HCN1: variants seen among roughly 807,000 people sequenced by gnomAD.
HCN1 encodes the protein potassium/sodium hyperpolarization-activated cyclic nucleotide-gated channel 1.
A neutral mutation model predicts 78.9 loss-of-function variants in HCN1; 13 were observed. The observed-to-expected ratio is 0.16, with a 90% CI of 0.11 to 0.26. HCN1 has a LOEUF of 0.26. Among genes scored for constraint, HCN1 ranks in the 10% least tolerant of loss-of-function variants. The probability of loss-of-function intolerance (pLI) is 1.00; values close to 1 mark genes in which losing one functional copy is unlikely to be tolerated. For synonymous variants in HCN1, 552 were observed against 455.5 expected (o/e 1.21, Z -2.70); for missense variants, 810 against 1,154.3 (o/e 0.70, Z 4.32).
At chr5:45,461,653 A>G (rs1294628102) in intron 3 of HCN1, among the ~76,000 whole-genome samples, 193 bp downstream of exon 3, 3 of 152,184 alleles carry the variant, frequency 2.0e-5, no homozygotes, top group Non-Finnish European at 4.4e-5. Context: ...ATACTCAGGA[A>G]CATAGTCAAT....
intron 6 of HCN1, among the ~76,000 whole-genome samples, chr5:45,271,027 A>G (rs1020288236): frequency 1.3e-5 from 2 of 152,112 alleles, no homozygotes; most frequent in Non-Finnish European, 2.9e-5. Context: ...GGCTTGAATC[A>G]GTTAAATATT....
chr5:45,402,356 G>A (rs1436622578), intron 3 of HCN1, among the ~76,000 whole-genome samples: 12 of 152,136 alleles, frequency 7.9e-5, no homozygotes, highest in Admixed American at 7.9e-4. Flanking sequence ...TAGGAGACAT[G>A]GCAACATACA....
chr5:45,372,559 C>T (rs1488949333), intron 4 of HCN1, among the ~76,000 whole-genome samples: 1 of 117,082 alleles, frequency 8.5e-6, no homozygotes, highest in Non-Finnish European at 1.7e-5. Flanking sequence ...ATATATAAAA[C>T]ATTTACATAT....
intron 5 of HCN1, among the ~76,000 whole-genome samples, chr5:45,341,514 C>T (rs1746580166): frequency 6.6e-6 from 1 of 152,126 alleles, no homozygotes; most frequent in African/African-American, 2.4e-5. Flanking sequence ...GGAGATAAAA[C>T]ATGGCTTTGC....
chr5:45,346,240 T>C (rs942821075), intron 5 of HCN1, among the ~76,000 whole-genome samples: 1 of 152,138 alleles, frequency 6.6e-6, no homozygotes, highest in Non-Finnish European at 1.5e-5. Flanking sequence ...GACAGGTCAT[T>C]GACAACTTTC....
chr5:45,442,103 T>C (rs1434326540), intron 3 of HCN1, among the ~76,000 whole-genome samples: 1 of 152,184 alleles, frequency 6.6e-6, no homozygotes. Context: ...TAATTTATCA[T>C]ATTATTATTG....
chr5:45,376,366 A>C (rs574587436), intron 4 of HCN1, among the ~76,000 whole-genome samples: 74 of 23,480 alleles, frequency 3.2e-3, no homozygotes, highest in Non-Finnish European at 4.1e-4. Context: ...AGAGAGAGAG[A>C]GAGAGAGAAA....
rs1465130703 is a variant in HCN1, at chr5:45,364,039, A to G, written c.1231-10793T>C. 3.9e-5 allele frequency among the ~76,000 whole-genome samples: 6 copies of G among 152,028 alleles called. No homozygotes were observed. The Admixed American group carries it at 3.9e-4, about 10-fold the overall frequency. Reference sequence around the variant, plus strand: ...TAGGCTCTGCTACTAGGAGATTCCAAACTAAGACAGTATTACAAACTGAGC... The same window carrying G: ...TAGGCTCTGCTACTAGGAGATTCCAGACTAAGACAGTATTACAAACTGAGC... On this transcript the variant is annotated intron_variant, in intron 4 of 7. Coordinates refer to ENST00000303230, the MANE Select transcript of HCN1 (RefSeq NM_021072.4).
intron 2 of HCN1, among the ~76,000 whole-genome samples, chr5:45,494,385 G>A (rs1410688518): frequency 1.3e-5 from 2 of 152,152 alleles, no homozygotes. Flanking sequence ...TTTTTTGGCT[G>A]CATAAATGTC....
chr5:45,297,633 A>C (rs543418698), intron 6 of HCN1, among the ~76,000 whole-genome samples: 59 of 152,232 alleles, frequency 3.9e-4, no homozygotes, highest in Middle Eastern at 6.8e-3. Flanking sequence ...AATCAGCCTC[A>C]TACAAAAATC....
intron 3 of HCN1, among the ~76,000 whole-genome samples, chr5:45,415,709 A>G (rs147081321): frequency 3.6e-4 from 55 of 152,100 alleles, no homozygotes; most frequent in African/African-American, 1.3e-3. Context: ...CTTCTTGTCT[A>G]AATGGCCACA....
intron 2 of HCN1, among the ~76,000 whole-genome samples, chr5:45,505,180 C>T (rs1237233742): frequency 6.6e-6 from 1 of 152,054 alleles, no homozygotes; most frequent in African/African-American, 2.4e-5. Context: ...CTTGCCCATG[C>T]CTATGTCCTG....
At position 45,298,813 on chromosome 5, in the gene HCN1, G is replaced by C. The variant is rs1221630842; in HGVS notation, c.1618+4786C>G. Among the ~76,000 whole-genome samples, 3 of 152,028 alleles carry C rather than the reference G, an allele frequency of 2.0e-5. No individual in the cohort carries two copies. The East Asian group carries it at 5.8e-4, about 30-fold the overall frequency. ...CCAAAGAGTACAGTATGGAATGGGA[G>C]GGAAAGAAAAATTAACTTTACAATG... On this transcript the variant is annotated intron_variant, in intron 6 of 7. Transcript: ENST00000303230.
At chr5:45,362,873 C>A (rs1380764144) in intron 4 of HCN1, among the ~76,000 whole-genome samples, 1 of 151,812 alleles carries the variant, frequency 6.6e-6, no homozygotes, top group Non-Finnish European at 1.5e-5. Context: ...TACTTACCAT[C>A]CTATTTTTCT....
intron 2 of HCN1, among the ~76,000 whole-genome samples, chr5:45,570,881 T>G (rs1281445696): frequency 6.6e-6 from 1 of 152,188 alleles, no homozygotes; most frequent in African/African-American, 2.4e-5. Flanking sequence ...AATTCTTTTG[T>G]GACAATTTGC....
intron 4 of HCN1, among the ~76,000 whole-genome samples, chr5:45,374,273 T>C (rs1049723883): frequency 4.8e-5 from 5 of 103,586 alleles, no homozygotes; most frequent in African/African-American, 2.6e-4. Flanking sequence ...ACATATATAT[T>C]ATATACATTA....
intron 3 of HCN1, among the ~76,000 whole-genome samples, chr5:45,423,963 T>A (rs1486420642): frequency 1.3e-5 from 2 of 152,030 alleles, no homozygotes; most frequent in African/African-American, 2.4e-5. Flanking sequence ...AAAATTGATG[T>A]TTGCCTTTAA....
rs1034090493 is a variant in HCN1 at position 45,283,186 on chromosome 5, T to C, written c.1619-15933A>G. 2.0e-5 allele frequency among the ~76,000 whole-genome samples: 3 copies of C among 152,114 alleles called. No homozygotes were observed. The East Asian group carries it at 5.8e-4, about 29-fold the overall frequency. ...TATTTTCTATCTTTAATCTTTATTATACTTGGGAAACCAACCTATGAAATA... is the reference window on the plus strand; with the variant it reads ...TATTTTCTATCTTTAATCTTTATTACACTTGGGAAACCAACCTATGAAATA... On this transcript the variant is annotated intron_variant, in intron 6 of 7. Coordinates refer to ENST00000303230, the MANE Select transcript of HCN1 (RefSeq NM_021072.4).
intron 4 of HCN1, among the ~76,000 whole-genome samples, chr5:45,390,577 A>T (rs1447476759): frequency 6.6e-6 from 1 of 152,174 alleles, no homozygotes; most frequent in Non-Finnish European, 1.5e-5. Context: ...CAGTCCTGAA[A>T]ATGTGAATAT....
Sources: gnomAD v4.1 joint callset for allele counts (sites outside exome capture counted in the v4.1 genomes callset) on GRCh38, gnomAD v4.1.1 for gene constraint, MANE v1.5 for transcripts, NCBI Gene and HGNC (gene_info 2026-07-23, HGNC 2026-07-21) for gene names.